The following BABAM2 variants were observed in gnomAD, a reference collection of about 807,000 sequenced individuals.
The protein encoded by BABAM2 is BRISC and BRCA1 A complex member 2, also known as BRISC and BRCA1-A complex member 2.
Under a neutral mutation model 54.7 loss-of-function variants are expected in BABAM2, and 31 were observed. The ratio of observed to expected loss-of-function variants is 0.57; its 90% CI spans 0.43 to 0.77. The LOEUF (loss-of-function observed/expected upper bound fraction) is 0.77, where lower values mean the gene tolerates loss of function less well. Among genes scored for constraint, BABAM2 ranks in the 30% least tolerant of loss-of-function variants. The pLI is 0.00. For missense variants in BABAM2, 364 were observed against 455.8 expected (o/e 0.80, Z 1.83); for synonymous variants, 167 against 162.9 (o/e 1.03, Z -0.19).
At chr2:28,226,802 A>G (rs1437583375) in intron 7 of BABAM2, among the ~76,000 whole-genome samples, 3 of 151,768 alleles carry the variant, frequency 2.0e-5, no homozygotes, top group African/African-American at 7.3e-5. Context: ...TTATCCAGGG[A>G]GGTTTTAGCC....
chr2:28,224,772 GT>G (rs776310677), intron 7 of BABAM2, among the ~76,000 whole-genome samples: 1 of 140,130 alleles, frequency 7.1e-6, no homozygotes, highest in Admixed American at 7.7e-5. Flanking sequence ...GAATTCCAAT[GT>G]TTTGACACAC....
chr2:28,324,289 A>G (rs376399627), intron 11 of BABAM2, among the ~76,000 whole-genome samples: 32 of 152,342 alleles, frequency 2.1e-4, no homozygotes, highest in African/African-American at 7.2e-4. Context: ...CCCTTACTGC[A>G]TAGATGAGAA....
chr2:27,957,870 CT>C (rs1319030249), intron 3 of BABAM2, among the ~76,000 whole-genome samples: 1 of 152,188 alleles, frequency 6.6e-6, no homozygotes, highest in Non-Finnish European at 1.5e-5. Context: ...TCATCTTACT[CT>C]AGCAGGAATA....
chr2:28,296,599 A>G (rs1231809958), intron 10 of BABAM2, among the ~76,000 whole-genome samples: 1 of 152,200 alleles, frequency 6.6e-6, no homozygotes, highest in Non-Finnish European at 1.5e-5. Flanking sequence ...TCAAGAAATC[A>G]TATTGAGTGC....
At chr2:28,027,599 A>G (rs539508352) in intron 5 of BABAM2, among the ~76,000 whole-genome samples, 3 of 152,120 alleles carry the variant, frequency 2.0e-5, no homozygotes, top group African/African-American at 4.8e-5. Context: ...CACTTAGCCT[A>G]TGTTTGAGGT....
rs112914928 is a variant in BABAM2, at chr2:28,214,570, G to A, written c.681-22632G>A. The stretch of plus-strand genomic sequence containing the variant: ...TTTTATTTTTTCCTTTCTGATATAC[G>A]TATGCCTTTTTTCTTGCTTCATTGC... On this transcript the variant is annotated intron_variant, in intron 7 of 11. Transcript: ENST00000379624. 5.4e-3 allele frequency among the ~76,000 whole-genome samples: 816 copies of A among 152,006 alleles called. 13 individuals carry two copies. Among genetic ancestry groups the A allele is most frequent in the African/African-American group, 0.018 (760 of 41,474 alleles).
chr2:28,167,693 C>A (rs1174811932), intron 7 of BABAM2, among the ~76,000 whole-genome samples: 6 of 103,798 alleles, frequency 5.8e-5, no homozygotes, highest in Non-Finnish European at 1.1e-4. Context: ...GACTCCATCT[C>A]AAAAAAATAA....
chr2:28,323,326 G>A (rs1186665597), intron 11 of BABAM2, among the ~76,000 whole-genome samples: 1 of 152,030 alleles, frequency 6.6e-6, no homozygotes, highest in Non-Finnish European at 1.5e-5. Context: ...GGAGATAGAC[G>A]GCTCAGACCC....
chr2:28,307,056 G>A lies in BABAM2; in HGVS notation c.1088+8565G>A, dbSNP rs185465150. Among the ~76,000 whole-genome samples, 717 of 125,932 alleles carry A rather than the reference G, an allele frequency of 5.7e-3. 8 individuals carry two copies. Among genetic ancestry groups the A allele is most frequent in the South Asian group, 0.049 (187 of 3,850 alleles). 82.6% of individuals were successfully genotyped at this position (125,932 alleles called of 152,430 possible). A position where few individuals can be genotyped will look rare whatever the true frequency, so the allele number is the denominator to read the frequency against. On this transcript the variant is annotated intron_variant, in intron 11 of 11. Transcript: ENST00000379624. ...GAGTCTTATTCTGTCACCCAGGCTG[G>A]AGTGCAGTGGCGTGATCTCGGCTCA...
At chr2:27,899,665 T>C (rs561254476) in intron 2 of BABAM2, among the ~76,000 whole-genome samples, 31 of 152,146 alleles carry the variant, frequency 2.0e-4, no homozygotes, top group Non-Finnish European at 4.0e-4. Context: ...TGGGGTTTCA[T>C]CATCTTGGCT....
chr2:27,959,514 T>C (rs1670316552), intron 3 of BABAM2, among the ~76,000 whole-genome samples: 1 of 152,190 alleles, frequency 6.6e-6, no homozygotes, highest in South Asian at 2.1e-4. Flanking sequence ...TTAATCTCTG[T>C]CACATGCTTC....
intron 2 of BABAM2, chr2:27,896,954 T>A (rs1665379277): frequency 6.4e-6 from 1 of 156,728 alleles, no homozygotes; most frequent in African/African-American, 2.4e-5. Flanking sequence ...TGATGTCACA[T>A]GAAGCTGATT....
chr2:28,237,175 G>A (rs755431676), intron 7 of BABAM2, 27 bp from the exon 8 acceptor site: 2 of 1,588,606 alleles, frequency 1.3e-6, no homozygotes, highest in Admixed American at 1.7e-5. Context: ...CCTAAGAGAA[G>A]TGTCCATTGT....
chr2:28,030,531 CAG>C (rs1473522084), intron 5 of BABAM2, among the ~76,000 whole-genome samples: 1 of 152,106 alleles, frequency 6.6e-6, no homozygotes, highest in Non-Finnish European at 1.5e-5. Context: ...GATCAAGAAA[CAG>C]GGTATAAAAG....
chr2:28,103,706 G>C (rs988264474), intron 6 of BABAM2, among the ~76,000 whole-genome samples: 2 of 152,166 alleles, frequency 1.3e-5, no homozygotes, highest in Non-Finnish European at 2.9e-5. Flanking sequence ...TCCTCACAGA[G>C]ATGAAAAGGT....
intron 7 of BABAM2, among the ~76,000 whole-genome samples, chr2:28,191,541 A>G (rs1389224303): frequency 6.6e-6 from 1 of 152,248 alleles, no homozygotes; most frequent in East Asian, 1.9e-4. Context: ...ATCCATTACA[A>G]TGGAATACGC....
chr2:28,013,552 A>G (rs1674559052), intron 4 of BABAM2, among the ~76,000 whole-genome samples: 1 of 151,806 alleles, frequency 6.6e-6, no homozygotes, highest in Admixed American at 6.6e-5. Context: ...TCAAGAATAT[A>G]TAACTGTCAT....
At chr2:28,005,457 G>A (rs1050857088) in intron 4 of BABAM2, among the ~76,000 whole-genome samples, 3 of 151,998 alleles carry the variant, frequency 2.0e-5, no homozygotes, top group East Asian at 1.9e-4. Context: ...GTGCTGTTTT[G>A]CAGCATGCCC....
chr2:27,924,187 C>T (rs913053286), intron 2 of BABAM2, among the ~76,000 whole-genome samples: 5 of 152,074 alleles, frequency 3.3e-5, no homozygotes, highest in African/African-American at 4.8e-5. Context: ...TACCAAAACT[C>T]CCCTTAGTGC....
Sources: allele counts gnomAD v4.1 joint callset (sites outside exome capture counted in the v4.1 genomes callset), GRCh38; gene constraint gnomAD v4.1.1; transcripts MANE v1.5; gene names NCBI Gene and HGNC (gene_info 2026-07-23, HGNC 2026-07-21).